Variants in FAM219A observed in about 807,000 individuals in gnomAD.
FAM219A encodes protein FAM219A.
In FAM219A, 7 loss-of-function variants were observed where a neutral mutation model predicts 23.4. The ratio of observed to expected loss-of-function variants is 0.30; its 90% CI spans 0.17 to 0.56. The LOEUF (loss-of-function observed/expected upper bound fraction) is 0.56. Among genes scored for constraint, FAM219A ranks in the 20% least tolerant of loss-of-function variants. The probability of loss-of-function intolerance (pLI) is 0.92; values close to 1 mark genes in which losing one functional copy is unlikely to be tolerated. For synonymous variants in FAM219A, 93 were observed against 99.0 expected (o/e 0.94, Z 0.36); for missense variants, 166 against 246.9 (o/e 0.67, Z 2.20).
chr9:34,414,126 A>C (rs1821918511), intron 1 of FAM219A, among the ~76,000 whole-genome samples: 1 of 152,240 alleles, frequency 6.6e-6, no homozygotes, highest in African/African-American at 2.4e-5. Context: ...GTCCAAGAAT[A>C]GTTAGTAGCA....
intron 1 of FAM219A, among the ~76,000 whole-genome samples, chr9:34,448,644 T>G (rs951456493): frequency 2.0e-5 from 3 of 152,228 alleles, no homozygotes; most frequent in African/African-American, 7.2e-5. Context: ...AATCCACTTT[T>G]CACCTTAAAT....
In FAM219A at chr9:34,457,919, C is replaced by T. The variant is rs538896182; in HGVS notation, c.60+285G>A. The stretch of plus-strand genomic sequence containing the variant: ...TTCCCTCGCCAGTCCCTGCTATGGG[C>T]CTCCACTAGCGGTGTGCACCTTTGT... On this transcript the variant is annotated intron_variant, in intron 1 of 5. Transcript: ENST00000651358. The surrounding 1 kb of genome is among the most constrained non-coding windows in gnomAD (Gnocchi z 5.1). 7.9e-5 allele frequency among the ~76,000 whole-genome samples: 12 copies of T among 152,346 alleles called. No homozygotes were observed. In the South Asian group the frequency reaches 2.5e-3, roughly 32 times the overall value.
chr9:34,420,248 AG>A, intron 1 of FAM219A, among the ~76,000 whole-genome samples: 1 of 152,338 alleles, frequency 6.6e-6, no homozygotes, highest in Middle Eastern at 3.4e-3. Context: ...AGCCTATTTA[AG>A]GAAGAGAGAG....
chr9:34,401,861 T>C, intron 4 of FAM219A, 141 bp from the exon 5 acceptor site: 3 of 941,542 alleles, frequency 3.2e-6, no homozygotes, highest in Non-Finnish European at 4.9e-6. Flanking sequence ...CTGTGCTTGC[T>C]GTGCAAATGC....
intron 2 of FAM219A, among the ~76,000 whole-genome samples, chr9:34,404,581 G>A (rs1821566432): frequency 6.6e-6 from 1 of 152,218 alleles, no homozygotes; most frequent in East Asian, 1.9e-4. Flanking sequence ...GGTGATGCGC[G>A]CCTATAATCC....
At chr9:34,421,146 G>T (rs1339474834) in intron 1 of FAM219A, among the ~76,000 whole-genome samples, 2 of 152,016 alleles carry the variant, frequency 1.3e-5, no homozygotes, top group African/African-American at 4.8e-5. Flanking sequence ...CAGGGCTGAG[G>T]GGCCCATAGA....
At chr9:34,416,911 T>C (rs1030917844) in intron 1 of FAM219A, among the ~76,000 whole-genome samples, 11 of 150,988 alleles carry the variant, frequency 7.3e-5, no homozygotes, top group Admixed American at 7.3e-4. Flanking sequence ...TACTACAGCC[T>C]TGAACTCCTG....
intron 1 of FAM219A, among the ~76,000 whole-genome samples, chr9:34,438,688 G>A (rs1157219562): frequency 6.6e-6 from 1 of 152,054 alleles, no homozygotes; most frequent in African/African-American, 2.4e-5. Flanking sequence ...TGCGTATCTA[G>A]CTACTCTGGT....
intron 1 of FAM219A, among the ~76,000 whole-genome samples, chr9:34,443,190 A>G (rs1463728766): frequency 6.6e-6 from 1 of 152,110 alleles, no homozygotes; most frequent in Non-Finnish European, 1.5e-5. Context: ...AATAATAGCA[A>G]TGTTGACTTT....
chr9:34,402,185 C>A, intron 4 of FAM219A: 1 of 1,507,506 alleles, frequency 6.6e-7, no homozygotes. Flanking sequence ...ACGCAGGCCC[C>A]CCTTTCCTCT....
intron 1 of FAM219A, among the ~76,000 whole-genome samples, chr9:34,409,785 G>A (rs1390120625): frequency 6.6e-6 from 1 of 152,134 alleles, no homozygotes; most frequent in African/African-American, 2.4e-5. Flanking sequence ...TGTGGGTCTG[G>A]TTTCCCTTTA....
chr9:34,442,713 T>A (rs1321032033), intron 1 of FAM219A, among the ~76,000 whole-genome samples: 13 of 150,594 alleles, frequency 8.6e-5, no homozygotes. Flanking sequence ...AAAAGAGACA[T>A]GTCAACCAAA....
intron 2 of FAM219A, 87 bp from the exon 3 acceptor site, chr9:34,402,894 CT>C: frequency 8.5e-7 from 1 of 1,173,352 alleles, no homozygotes; most frequent in Non-Finnish European, 1.2e-6. Flanking sequence ...TGGGCCTCCA[CT>C]GTGAAACCAC....
intron 1 of FAM219A, among the ~76,000 whole-genome samples, chr9:34,440,830 G>A (rs998395515): frequency 1.5e-4 from 23 of 148,592 alleles, no homozygotes; most frequent in African/African-American, 5.0e-4. Flanking sequence ...CAGCCTGGGC[G>A]ACAGAGTGAG....
intron 1 of FAM219A, among the ~76,000 whole-genome samples, chr9:34,438,175 G>A (rs868712968): frequency 1.3e-5 from 2 of 152,210 alleles, no homozygotes; most frequent in South Asian, 2.1e-4. Context: ...GGCAGGGCTC[G>A]GGACCTGCAG....
intron 1 of FAM219A, among the ~76,000 whole-genome samples, chr9:34,453,606 G>C (rs1823635763): frequency 6.6e-6 from 1 of 152,162 alleles, no homozygotes; most frequent in African/African-American, 2.4e-5. Flanking sequence ...AGATGCTCGT[G>C]AACTAAACAA....
In FAM219A at chr9:34,458,311, C is replaced by CGA; in HGVS notation, c.-50_-49dup. On this transcript the variant is annotated 5_prime_UTR_variant, in exon 1 of 6. Transcript: ENST00000651358. The surrounding 1 kb of genome is among the most constrained non-coding windows in gnomAD (Gnocchi z 6.6). ...AGGGGCCGGGCGCGGCCGCGGACGC[C>CGA]GACAGGACCGCGCGGGGCGGCGGCC... The CGA allele has an allele frequency of 8.0e-7, 1 of 1,252,688 alleles. No individual in the cohort carries two copies. Among genetic ancestry groups the CGA allele is most frequent in the Non-Finnish European group, 1.0e-6 (1 of 999,120 alleles). 77.6% of individuals were successfully genotyped at this position (1,252,688 alleles called of 1,614,324 possible).
chr9:34,435,194 A>C (rs1822857547), intron 1 of FAM219A, among the ~76,000 whole-genome samples: 1 of 152,184 alleles, frequency 6.6e-6, no homozygotes, highest in Non-Finnish European at 1.5e-5. Flanking sequence ...GAACTTGAGA[A>C]GGAATTGGGA....
At chr9:34,431,276 C>G (rs1822688967) in intron 1 of FAM219A, among the ~76,000 whole-genome samples, 1 of 152,162 alleles carries the variant, frequency 6.6e-6, no homozygotes, top group African/African-American at 2.4e-5. Context: ...GACAAAGTGG[C>G]CATAGGGGAG....
Sources: gnomAD v4.1 joint callset for allele counts (sites outside exome capture counted in the v4.1 genomes callset) on GRCh38, gnomAD v4.1.1 for gene constraint, Gnocchi (gnomAD v3.1) non-coding constraint, MANE v1.5 for transcripts, NCBI Gene and HGNC (gene_info 2026-07-23, HGNC 2026-07-21) for gene names.